The following SPOCK1 variants were observed in gnomAD, a reference collection of about 807,000 sequenced individuals.
SPOCK1 encodes testican-1.
Under a neutral mutation model 55.3 loss-of-function variants are expected in SPOCK1, and 23 were observed. That is an observed-to-expected ratio of 0.42 (90% CI 0.30 to 0.59). The LOEUF is 0.59. Ranked by LOEUF, SPOCK1 falls within the 20% of genes least tolerant of loss-of-function variation. The pLI, the probability that SPOCK1 is intolerant of heterozygous loss-of-function variation, is 0.22. For missense variants in SPOCK1, 499 were observed against 552.5 expected, an observed-to-expected ratio of 0.90 and a Z score of 0.97; for synonymous variants, 226 against 221.0, an observed-to-expected ratio of 1.02 and a Z score of -0.20.
intron 3 of SPOCK1, among the ~76,000 whole-genome samples, 197 bp downstream of exon 3, chr5:137,266,813 T>C (rs144543810): frequency 8.1e-4 from 124 of 152,248 alleles, no homozygotes; most frequent in Non-Finnish European, 1.5e-3. Flanking sequence ...ATTGTTTAAA[T>C]CAGCCCTAGA....
chr5:137,190,895 A>G (rs1200928678), intron 3 of SPOCK1, among the ~76,000 whole-genome samples: 1 of 152,194 alleles, frequency 6.6e-6, no homozygotes, highest in East Asian at 1.9e-4. Flanking sequence ...ATACAGGTCT[A>G]TGTATATTTT....
chr5:137,139,194 A>C (rs1014011623), intron 4 of SPOCK1, among the ~76,000 whole-genome samples: 2 of 152,192 alleles, frequency 1.3e-5, no homozygotes, highest in African/African-American at 4.8e-5. Flanking sequence ...TCTTGTAGAG[A>C]CAAAGTCTGA....
intron 3 of SPOCK1, among the ~76,000 whole-genome samples, chr5:137,260,493 A>G (rs1012132657): frequency 1.3e-5 from 2 of 152,254 alleles, no homozygotes; most frequent in African/African-American, 4.8e-5. Context: ...CTGTATACAT[A>G]TACATGACAT....
intron 2 of SPOCK1, among the ~76,000 whole-genome samples, chr5:137,480,634 GGGA>G (rs1258385896): frequency 6.6e-6 from 1 of 152,144 alleles, no homozygotes; most frequent in Non-Finnish European, 1.5e-5. Context: ...GAGTGTGACA[GGGA>G]GGAGATTTAT....
intron 2 of SPOCK1, among the ~76,000 whole-genome samples, chr5:137,272,695 G>A (rs1453107415): frequency 6.6e-6 from 1 of 151,390 alleles, no homozygotes; most frequent in Admixed American, 6.6e-5. Flanking sequence ...GGAGTTGTCT[G>A]CATTAATACA....
chr5:136,996,637 A>G (rs1166890869), intron 6 of SPOCK1, among the ~76,000 whole-genome samples: 1 of 152,132 alleles, frequency 6.6e-6, no homozygotes, highest in Non-Finnish European at 1.5e-5. Context: ...GGGGACTCAG[A>G]GAACTTTTCT....
chr5:137,035,122 C>T (rs148536694), intron 6 of SPOCK1, among the ~76,000 whole-genome samples: 3 of 152,314 alleles, frequency 2.0e-5, no homozygotes, highest in Non-Finnish European at 4.4e-5. Flanking sequence ...CACAAGTTAG[C>T]ACCTGAATTT....
chr5:137,272,969 C>T (rs1756998554), intron 2 of SPOCK1, among the ~76,000 whole-genome samples: 1 of 152,140 alleles, frequency 6.6e-6, no homozygotes, highest in African/African-American at 2.4e-5. Context: ...TGTTTATACA[C>T]ACACTCTAAA....
intron 2 of SPOCK1, among the ~76,000 whole-genome samples, chr5:137,361,738 T>C (rs1047767656): frequency 1.3e-5 from 2 of 152,216 alleles, no homozygotes; most frequent in African/African-American, 4.8e-5. Flanking sequence ...ACATTTATGA[T>C]TCAGAAATAA....
At chr5:137,070,544 C>T (rs1437741947) in intron 5 of SPOCK1, among the ~76,000 whole-genome samples, 6 of 152,178 alleles carry the variant, frequency 3.9e-5, no homozygotes, top group Non-Finnish European at 7.3e-5. Context: ...CTGCTCTGGA[C>T]CTCTGTTCCA....
intron 2 of SPOCK1, among the ~76,000 whole-genome samples, chr5:137,488,151 C>T (rs4976449): frequency 6.6e-6 from 1 of 151,746 alleles, no homozygotes; most frequent in Non-Finnish European, 1.5e-5. Flanking sequence ...CCAAGGTGGG[C>T]GGATCACTTG....
At chr5:137,218,148 T>C (rs1755756322) in intron 3 of SPOCK1, among the ~76,000 whole-genome samples, 1 of 152,230 alleles carries the variant, frequency 6.6e-6, no homozygotes. Context: ...CGATCCTTTA[T>C]CTTCATCTCT....
chr5:137,093,910 C>T (rs1246012151), intron 5 of SPOCK1, among the ~76,000 whole-genome samples: 2 of 152,174 alleles, frequency 1.3e-5, no homozygotes, highest in Non-Finnish European at 2.9e-5. Flanking sequence ...AAGGAATAGG[C>T]TGTTTCAATG....
intron 2 of SPOCK1, among the ~76,000 whole-genome samples, chr5:137,277,670 G>A (rs143294481): frequency 0.01 from 1,525 of 152,284 alleles, 10 homozygotes; most frequent in Middle Eastern, 0.034. Flanking sequence ...TCCTATCTGT[G>A]AAATAGGGGA....
At chr5:137,380,495 T>C (rs896214383) in intron 2 of SPOCK1, among the ~76,000 whole-genome samples, 3 of 152,144 alleles carry the variant, frequency 2.0e-5, no homozygotes, top group Non-Finnish European at 4.4e-5. Context: ...GATTGGGTGA[T>C]TTATGAAGAC....
chr5:137,067,702 A>ATTCTGCCC lies in SPOCK1; in HGVS notation c.589+12_589+13insGGGCAGAA. On this transcript the variant is annotated intron_variant, in intron 6 of 10. Transcript: ENST00000394945. ...TCCTGCCCACGAATTCTCTGAAGGA[A>ATTCTGCCC]ACCCTCACTCACCACTCCTTTCTGC... 1 of 1,611,486 alleles carries ATTCTGCCC rather than the reference A, an allele frequency of 6.2e-7. No individual in the cohort carries two copies. Among genetic ancestry groups the ATTCTGCCC allele is most frequent in the Non-Finnish European group, 8.5e-7 (1 of 1,177,732 alleles).
At chr5:137,238,828 T>C (rs1034869119) in intron 3 of SPOCK1, among the ~76,000 whole-genome samples, 1 of 152,206 alleles carries the variant, frequency 6.6e-6, no homozygotes, top group African/African-American at 2.4e-5. Flanking sequence ...ACATGTGTGA[T>C]AGTGAGATAT....
intron 3 of SPOCK1, among the ~76,000 whole-genome samples, chr5:137,167,139 T>C (rs1343482755): frequency 1.3e-5 from 2 of 152,008 alleles, no homozygotes; most frequent in East Asian, 1.9e-4. Flanking sequence ...TTTCATGCCA[T>C]GGAAGCCATA....
chr5:137,267,856 T>C (rs1756889120), intron 2 of SPOCK1, among the ~76,000 whole-genome samples: 1 of 152,236 alleles, frequency 6.6e-6, no homozygotes, highest in Non-Finnish European at 1.5e-5. Flanking sequence ...ACACCCACTG[T>C]ATCAGCAAAA....
Sources: allele counts gnomAD v4.1 joint callset (sites outside exome capture counted in the v4.1 genomes callset), GRCh38; gene constraint gnomAD v4.1.1; transcripts MANE v1.5; gene names NCBI Gene and HGNC (gene_info 2026-07-23, HGNC 2026-07-21).